TUSC3: variants seen among roughly 807,000 people sequenced by gnomAD.
The protein encoded by TUSC3 is dolichyl-diphosphooligosaccharide--protein glycosyltransferase subunit TUSC3.
Under a neutral mutation model 44.8 loss-of-function variants are expected in TUSC3, and 45 were observed. That is an observed-to-expected ratio of 1.00 (90% confidence interval 0.79 to 1.29). The LOEUF is 1.29. Ranked by LOEUF, TUSC3 falls within the 50% of genes most tolerant of loss-of-function variation. The pLI is 0.00. For synonymous variants in TUSC3, 212 were observed against 152.9 expected, an observed-to-expected ratio of 1.39 and a Z score of -2.85; for missense variants, 519 against 437.9, an observed-to-expected ratio of 1.19 and a Z score of -1.65.
At chr8:15,688,231 A>T (rs1450329693) in intron 6 of TUSC3, among the ~76,000 whole-genome samples, 1 of 152,156 alleles carries the variant, frequency 6.6e-6, no homozygotes, top group African/African-American at 2.4e-5. Context: ...TACATTCAGG[A>T]TTGAAAAAAG....
At chr8:15,442,978 T>C (rs570396391) in intron 1 of TUSC3, among the ~76,000 whole-genome samples, 66 of 152,294 alleles carry the variant, frequency 4.3e-4, no homozygotes, top group African/African-American at 1.5e-3. Flanking sequence ...AAGAATCCTC[T>C]TTAAGCTTGA....
intron 1 of TUSC3, among the ~76,000 whole-genome samples, chr8:15,442,993 T>C (rs1229436659): frequency 6.6e-6 from 1 of 152,192 alleles, no homozygotes; most frequent in Non-Finnish European, 1.5e-5. Context: ...GCTTGATGTT[T>C]CCCTTTTATA....
At chr8:15,846,443 CA>C in the TUSC3 span, among the ~76,000 whole-genome samples, 1 of 152,060 alleles carries the variant, frequency 6.6e-6, no homozygotes, top group Non-Finnish European at 1.5e-5. Context: ...CAGCACTATT[CA>C]CAATACCAAA....
At chr8:15,701,411 A>G (rs1809399291) in intron 6 of TUSC3, among the ~76,000 whole-genome samples, 1 of 152,168 alleles carries the variant, frequency 6.6e-6, no homozygotes, top group African/African-American at 2.4e-5. Context: ...TTTGTAAAAT[A>G]CTGTGTATGT....
intron 6 of TUSC3, among the ~76,000 whole-genome samples, chr8:15,693,252 C>T (rs894989883): frequency 6.6e-5 from 10 of 152,106 alleles, no homozygotes; most frequent in African/African-American, 2.4e-4. Context: ...TACAGTGTCA[C>T]TGGTGTATGT....
At chr8:15,509,957 G>A (rs1016435380) in intron 2 of TUSC3, among the ~76,000 whole-genome samples, 19 of 152,128 alleles carry the variant, frequency 1.2e-4, no homozygotes, top group Non-Finnish European at 1.5e-4. Context: ...ATTGCTTGGG[G>A]CCAAGAGTTT....
At chr8:15,573,474 A>G (rs1802970280) in intron 1 of TUSC3, among the ~76,000 whole-genome samples, 1 of 151,860 alleles carries the variant, frequency 6.6e-6, no homozygotes, top group African/African-American at 2.4e-5. Flanking sequence ...GAAGGAGCCC[A>G]GTGGGTTTAT....
chr8:15,697,586 T>C (rs1035145131), intron 6 of TUSC3, among the ~76,000 whole-genome samples: 15 of 152,224 alleles, frequency 9.9e-5, no homozygotes, highest in African/African-American at 3.4e-4. Context: ...TATTCATCTT[T>C]ATAATCCTCT....
chr8:15,613,370 T>A (rs1273153469), intron 1 of TUSC3, among the ~76,000 whole-genome samples: 2 of 152,096 alleles, frequency 1.3e-5, no homozygotes, highest in Non-Finnish European at 2.9e-5. Flanking sequence ...GTGATCTGTG[T>A]TGTTGTTAGA....
chr8:15,729,983 C>G (rs1252017078), intron 6 of TUSC3, among the ~76,000 whole-genome samples: 1 of 150,964 alleles, frequency 6.6e-6, no homozygotes, highest in African/African-American at 2.5e-5. Flanking sequence ...TTTTTTTTCT[C>G]CAGTTTTTTT....
intron 1 of TUSC3, among the ~76,000 whole-genome samples, chr8:15,552,010 A>G (rs546295639): frequency 1.3e-5 from 2 of 151,624 alleles, no homozygotes; most frequent in Non-Finnish European, 2.9e-5. Context: ...GAGTATGGAG[A>G]CTTCTTTGAT....
At chr8:15,616,847 A>T (rs181516339) in intron 1 of TUSC3, among the ~76,000 whole-genome samples, 13 of 152,216 alleles carry the variant, frequency 8.5e-5, no homozygotes, top group Admixed American at 5.2e-4. Context: ...AGTCAGAAGC[A>T]GGTCGCCGCA....
At chr8:15,430,802 T>G (rs1057376615) in intron 1 of TUSC3, among the ~76,000 whole-genome samples, 1 of 151,722 alleles carries the variant, frequency 6.6e-6, no homozygotes, top group Admixed American at 6.6e-5. Context: ...AAAACCAATG[T>G]GCAAAAATCA....
At chr8:15,812,505 G>A in the TUSC3 span, among the ~76,000 whole-genome samples, 4 of 152,102 alleles carry the variant, frequency 2.6e-5, no homozygotes, top group African/African-American at 9.7e-5. Flanking sequence ...TAAAAATATG[G>A]CCGTGGTTGC....
chr8:15,695,441 C>G (rs1359669467), intron 6 of TUSC3, among the ~76,000 whole-genome samples: 4 of 152,328 alleles, frequency 2.6e-5, no homozygotes, highest in Admixed American at 1.3e-4. Flanking sequence ...TCACATGGAA[C>G]TGTAAGTCCA....
intron 6 of TUSC3, among the ~76,000 whole-genome samples, chr8:15,702,957 A>G (rs970046839): frequency 6.6e-6 from 1 of 152,156 alleles, no homozygotes; most frequent in South Asian, 2.1e-4. Flanking sequence ...CAAGAAGTAT[A>G]CTGTCCCAGT....
the TUSC3 span, among the ~76,000 whole-genome samples, chr8:15,786,255 A>G: frequency 6.6e-6 from 1 of 152,316 alleles, no homozygotes; most frequent in South Asian, 2.1e-4. Flanking sequence ...CAAATTGACA[A>G]CTTAAACCAT....
At chr8:15,825,394 C>T in the TUSC3 span, among the ~76,000 whole-genome samples, 2 of 152,226 alleles carry the variant, frequency 1.3e-5, no homozygotes, top group East Asian at 1.9e-4. Flanking sequence ...TGCAGGGGAA[C>T]TCTCCTTTAG....
chr8:15,614,993 T>C (rs1370833615), intron 1 of TUSC3, among the ~76,000 whole-genome samples: 1 of 148,996 alleles, frequency 6.7e-6, no homozygotes, highest in Non-Finnish European at 1.5e-5. Context: ...TAAAGGGAAC[T>C]CTTGTACACT....
Sources: allele counts gnomAD v4.1 joint callset (sites outside exome capture counted in the v4.1 genomes callset), GRCh38; gene constraint gnomAD v4.1.1; transcripts MANE v1.5; gene names NCBI Gene and HGNC (gene_info 2026-07-23, HGNC 2026-07-21).